Variants in SFT2D1 observed in about 807,000 individuals in gnomAD.
SFT2D1 encodes the protein vesicle transport protein SFT2A.
SFT2D1 carries 24 observed loss-of-function variants against 28.1 expected under a neutral mutation model. The ratio of observed to expected loss-of-function variants is 0.85; its 90% CI spans 0.62 to 1.20. The LOEUF is 1.20. Ranked by LOEUF, SFT2D1 falls within the 50% of genes most tolerant of loss-of-function variation. The pLI, the probability that SFT2D1 is intolerant of heterozygous loss-of-function variation, is 0.00. For missense variants in SFT2D1, 181 were observed against 190.9 expected, an observed-to-expected ratio of 0.95 and a Z score of 0.31; for synonymous variants, 82 against 73.7, an observed-to-expected ratio of 1.11 and a Z score of -0.58.
At chr6:166,324,675 T>C in intron 5 of SFT2D1, 80 bp from the exon 6 acceptor site, 1 of 1,305,070 alleles carries the variant, frequency 7.7e-7, no homozygotes. Context: ...ATTCTTGTCT[T>C]TCAAAAATGT....
At chr6:166,333,856 G>C (rs1778596516) in intron 1 of SFT2D1, among the ~76,000 whole-genome samples, 1 of 152,088 alleles carries the variant, frequency 6.6e-6, no homozygotes, top group African/African-American at 2.4e-5. Flanking sequence ...TTCACACACA[G>C]AAACCCAAAG....
At chr6:166,328,162 TA>T (rs367915119) in intron 4 of SFT2D1, 113 bp downstream of exon 4, 223 of 432,410 alleles carry the variant, frequency 5.2e-4, no homozygotes, top group Middle Eastern at 6.7e-4. Context: ...AGTATAATAA[TA>T]AAAAAAAATA....
chr6:166,341,957 C>A (rs77176916), intron 1 of SFT2D1, among the ~76,000 whole-genome samples: 1 of 152,204 alleles, frequency 6.6e-6, no homozygotes, highest in South Asian at 2.1e-4. Flanking sequence ...GACCACCCCC[C>A]AGCAAACACA....
chr6:166,322,041 C>G (rs1562441089), intron 7 of SFT2D1, among the ~76,000 whole-genome samples: 1 of 152,130 alleles, frequency 6.6e-6, no homozygotes. Flanking sequence ...CCACACCACA[C>G]CCAGCTAATT....
chr6:166,339,760 G>A lies in SFT2D1; in HGVS notation c.63+2659C>T, dbSNP rs557070164. On this transcript the variant is annotated intron_variant, in intron 1 of 7. Transcript: ENST00000361731. ...TCTTGGTTCTCCTCCTCCTTCTCTC[G>A]CCACGCCTCTCAGCTGTCTTTGCCG... Among the ~76,000 whole-genome samples, 5 of 151,888 alleles carry A rather than the reference G, an allele frequency of 3.3e-5. No homozygotes were observed. In the South Asian group the frequency reaches 6.3e-4, roughly 19 times the overall value.
chr6:166,330,309 T>C (rs1298359671), intron 1 of SFT2D1, 62 bp from the exon 2 acceptor site: 64 of 1,169,664 alleles, frequency 5.5e-5, no homozygotes, highest in Admixed American at 8.1e-5. Context: ...TGATTCTTTA[T>C]ACTAAATTAA....
intron 6 of SFT2D1, chr6:166,324,326 G>T: frequency 2.1e-6 from 1 of 481,598 alleles, no homozygotes; most frequent in Non-Finnish European, 3.7e-6. Flanking sequence ...AACTCTACGA[G>T]CACAGCACCC....
At chr6:166,332,201 T>A (rs1027295176) in intron 1 of SFT2D1, among the ~76,000 whole-genome samples, 1 of 152,218 alleles carries the variant, frequency 6.6e-6, no homozygotes, top group African/African-American at 2.4e-5. Context: ...TGTGATATGC[T>A]TCAACATGAA....
At chr6:166,334,934 C>T (rs1343554536) in intron 1 of SFT2D1, 3 of 438,736 alleles carry the variant, frequency 6.8e-6, no homozygotes, top group Non-Finnish European at 1.3e-5. Context: ...TGAAGAACAT[C>T]GCCTAAGAGA....
chr6:166,342,378 G>A (rs1370712506), intron 1 of SFT2D1, 41 bp downstream of exon 1: 24 of 1,527,118 alleles, frequency 1.6e-5, no homozygotes, highest in Non-Finnish European at 2.1e-5. Context: ...GCCGGGGCCA[G>A]CGGGCAGCCC....
At chr6:166,342,207 G>C (rs1778796301) in intron 1 of SFT2D1, among the ~76,000 whole-genome samples, 1 of 152,016 alleles carries the variant, frequency 6.6e-6, no homozygotes. Flanking sequence ...AGTCGGGGGG[G>C]GGCCTCAAAG....
intron 1 of SFT2D1, among the ~76,000 whole-genome samples, chr6:166,333,525 A>G (rs1195732368): frequency 6.6e-6 from 1 of 152,080 alleles, no homozygotes. Context: ...TGAACTCCTC[A>G]TCCGGCCCTT....
chr6:166,326,021 GA>G, intron 5 of SFT2D1, 110 bp downstream of exon 5: 1 of 1,068,358 alleles, frequency 9.4e-7, no homozygotes, highest in South Asian at 1.4e-5. Flanking sequence ...CTAATCTTTA[GA>G]GAGTTTTAAA....
rs1351725129 is a variant in SFT2D1 at position 166,342,467 on chromosome 6, C to A, written c.15G>T (p.Arg5=). The part of the protein sequence containing the change: MEKL[R]RVLSGQDDEE... The stretch of plus-strand genomic sequence containing the variant: ...CGTCGTCCTGGCCGCTCAGGACTCG[C>A]CGCAGCTTCTCCATGGCCCTGTTAC... The change falls in exon 1 of 8, where the codon CGG becomes CGT. Residue 5 remains arginine (R), a synonymous_variant. Coordinates refer to ENST00000361731, the MANE Select transcript of SFT2D1 (RefSeq NM_145169.3). 6.4e-7 allele frequency: 1 copy of A among 1,556,446 alleles called. No individual in the cohort carries two copies. The highest frequency in any genetic ancestry group is 1.2e-5 in the South Asian group (1 of 84,462).
At chr6:166,330,399 G>T in intron 1 of SFT2D1, 152 bp from the exon 2 acceptor site, 1 of 625,082 alleles carries the variant, frequency 1.6e-6, no homozygotes, top group Non-Finnish European at 2.8e-6. Flanking sequence ...TTCCACGGTT[G>T]TTAAGGGTAA....
intron 1 of SFT2D1, chr6:166,335,558 A>G (rs1778632085): frequency 4.8e-6 from 2 of 418,024 alleles, no homozygotes; most frequent in Non-Finnish European, 9.2e-6. Flanking sequence ...ATTTTAACCC[A>G]TTTATGCCTG....
chr6:166,328,427 CTT>C (rs1210532394), intron 3 of SFT2D1, 70 bp from the exon 4 acceptor site: 1 of 920,266 alleles, frequency 1.1e-6, no homozygotes, highest in Non-Finnish European at 1.6e-6. Context: ...AAATAAACTA[CTT>C]TTTTAAAAAA....
chr6:166,320,910 C>T (rs1778342117), intron 7 of SFT2D1, among the ~76,000 whole-genome samples: 1 of 152,212 alleles, frequency 6.6e-6, no homozygotes, highest in African/African-American at 2.4e-5. Context: ...TCAAGACCAG[C>T]CTGGCCAACA....
intron 1 of SFT2D1, among the ~76,000 whole-genome samples, chr6:166,336,967 T>C (rs909967719): frequency 9.2e-5 from 14 of 152,318 alleles, no homozygotes; most frequent in Middle Eastern, 3.4e-3. Context: ...AGTTTCAACA[T>C]AGGAATTCTG....
Sources: gnomAD v4.1 joint callset for allele counts (sites outside exome capture counted in the v4.1 genomes callset) on GRCh38, gnomAD v4.1.1 for gene constraint, MANE v1.5 for transcripts, NCBI Gene and HGNC (gene_info 2026-07-23, HGNC 2026-07-21) for gene names.